The following EYS variants were observed in gnomAD, a reference collection of about 807,000 sequenced individuals.
EYS encodes protein eyes shut homolog.
EYS carries 250 observed loss-of-function variants against 282.1 expected under a neutral mutation model. The ratio of observed to expected loss-of-function variants is 0.89; its 90% CI spans 0.80 to 0.98. The LOEUF (loss-of-function observed/expected upper bound fraction) is 0.98. Ranked by LOEUF, EYS falls within the 50% of genes least tolerant of loss-of-function variation. The probability of loss-of-function intolerance (pLI) is 0.00; values close to 1 mark genes in which losing one functional copy is unlikely to be tolerated. For synonymous variants in EYS, 1,355 were observed against 1,282.9 expected (o/e 1.06, Z -1.20); for missense variants, 4,016 against 3,709.0 (o/e 1.08, Z -2.15).
intron 12 of EYS, among the ~76,000 whole-genome samples, chr6:65,293,170 C>A (rs912209865): frequency 6.6e-6 from 1 of 150,526 alleles, no homozygotes; most frequent in Non-Finnish European, 1.5e-5. Flanking sequence ...TCAAGAAGGA[C>A]GATAAACTTG....
intron 7 of EYS, among the ~76,000 whole-genome samples, chr6:65,394,170 A>G (rs1264516934): frequency 6.6e-6 from 1 of 151,932 alleles, no homozygotes; most frequent in East Asian, 1.9e-4. Flanking sequence ...GATCCTCCTG[A>G]TATGTTGAGA....
At chr6:65,457,511 T>G (rs1181891101) in intron 5 of EYS, among the ~76,000 whole-genome samples, 1 of 152,138 alleles carries the variant, frequency 6.6e-6, no homozygotes. Context: ...GGAATTGATG[T>G]TGGAATTGCA....
At chr6:64,746,452 A>G (rs184010398) in intron 22 of EYS, among the ~76,000 whole-genome samples, 1 of 152,196 alleles carries the variant, frequency 6.6e-6, no homozygotes, top group East Asian at 1.9e-4. Flanking sequence ...GCCAATACAT[A>G]TATGTTCATT....
Position 65,273,175 on chromosome 6 carries a change from A to G in EYS, c.2023+22688T>C, listed in dbSNP as rs748159406. ...ATAATTTAAAATATCTGAATGGTTT[A>G]TTTCTGGAATTTTCCATTTAATATT... On this transcript the variant is annotated intron_variant, in intron 12 of 42. Transcript: ENST00000503581. Among the ~76,000 whole-genome samples, 40 of 152,156 alleles carry G rather than the reference A, an allele frequency of 2.6e-4. 1 individual carries two copies. The highest frequency in any genetic ancestry group is 5.1e-4 in the Non-Finnish European group (35 of 68,036).
intron 35 of EYS, among the ~76,000 whole-genome samples, chr6:63,865,310 C>G (rs1208629867): frequency 6.6e-6 from 1 of 152,142 alleles, no homozygotes; most frequent in African/African-American, 2.4e-5. Context: ...ATATAAGTGA[C>G]AGAGAAATAT....
chr6:63,933,367 C>T (rs566026191), intron 35 of EYS, among the ~76,000 whole-genome samples: 9 of 152,190 alleles, frequency 5.9e-5, no homozygotes, highest in African/African-American at 9.6e-5. Flanking sequence ...CCATCACACG[C>T]GGCTAATTTT....
At chr6:64,299,482 G>A (rs1769154983) in intron 30 of EYS, among the ~76,000 whole-genome samples, 1 of 152,322 alleles carries the variant, frequency 6.6e-6, no homozygotes, top group Admixed American at 6.5e-5. Flanking sequence ...TGCCTCGTGT[G>A]AGGAACGCTG....
At chr6:64,406,623 AC>A (rs1216998028) in intron 28 of EYS, among the ~76,000 whole-genome samples, 2 of 152,214 alleles carry the variant, frequency 1.3e-5, no homozygotes, top group Non-Finnish European at 2.9e-5. Flanking sequence ...CAAGAAAAAA[AC>A]AACTCCATCA....
chr6:63,938,770 C>T (rs1285376815), intron 35 of EYS, among the ~76,000 whole-genome samples: 1 of 152,132 alleles, frequency 6.6e-6, no homozygotes. Flanking sequence ...TGGCAAATGT[C>T]ACAAGTAGAT....
chr6:63,826,991 G>A (rs1771486832), intron 36 of EYS, among the ~76,000 whole-genome samples: 1 of 151,876 alleles, frequency 6.6e-6, no homozygotes, highest in African/African-American at 2.4e-5. Flanking sequence ...CAGAACAGCA[G>A]AATGGATAAG....
At chr6:64,919,000 T>C (rs1768251332) in intron 15 of EYS, among the ~76,000 whole-genome samples, 1 of 152,164 alleles carries the variant, frequency 6.6e-6, no homozygotes. Flanking sequence ...ATGAAACATA[T>C]AGAATCCTCT....
At chr6:64,943,204 T>A (rs991802543) in intron 15 of EYS, among the ~76,000 whole-genome samples, 1 of 151,888 alleles carries the variant, frequency 6.6e-6, no homozygotes, top group African/African-American at 2.4e-5. Flanking sequence ...GAAACATATC[T>A]CAAAATAATA....
At chr6:65,298,640 A>C (rs1768730637) in intron 11 of EYS, among the ~76,000 whole-genome samples, 1 of 151,760 alleles carries the variant, frequency 6.6e-6, no homozygotes, top group Admixed American at 6.6e-5. Flanking sequence ...TTTATTTTTG[A>C]CACAACTTAG....
intron 12 of EYS, among the ~76,000 whole-genome samples, chr6:65,148,942 CT>C (rs1764547335): frequency 6.6e-6 from 1 of 152,060 alleles, no homozygotes; most frequent in South Asian, 2.1e-4. Context: ...GGAGATGAAG[CT>C]GCTGGGATGC....
At chr6:64,675,279 A>C (rs996440289) in intron 22 of EYS, among the ~76,000 whole-genome samples, 2 of 152,072 alleles carry the variant, frequency 1.3e-5, no homozygotes, top group African/African-American at 4.8e-5. Flanking sequence ...GTTCACTATA[A>C]TGTTTCCTAA....
chr6:63,950,205 AAC>A, intron 35 of EYS, among the ~76,000 whole-genome samples: 1 of 151,950 alleles, frequency 6.6e-6, no homozygotes, highest in Non-Finnish European at 1.5e-5. Context: ...AAAAAAAAAA[AAC>A]AAAAAAAACA....
chr6:65,491,453 C>A, intron 4 of EYS: 1 of 320,012 alleles, frequency 3.1e-6, no homozygotes. Context: ...ATGTTTTTTT[C>A]CCCAGTTTAA....
At chr6:65,696,401 T>C (rs1461426675) in intron 1 of EYS, among the ~76,000 whole-genome samples, 1 of 152,076 alleles carries the variant, frequency 6.6e-6, no homozygotes, top group Non-Finnish European at 1.5e-5. Flanking sequence ...TAGACAACTT[T>C]TGAAGTTAGT....
intron 12 of EYS, among the ~76,000 whole-genome samples, chr6:65,164,452 C>T (rs1764924969): frequency 6.6e-6 from 1 of 151,150 alleles, no homozygotes; most frequent in South Asian, 2.1e-4. Context: ...TGTACACTTT[C>T]CTTTTCTTAC....
Sources: gnomAD v4.1 joint callset for allele counts (sites outside exome capture counted in the v4.1 genomes callset) on GRCh38, gnomAD v4.1.1 for gene constraint, MANE v1.5 for transcripts, NCBI Gene and HGNC (gene_info 2026-07-23, HGNC 2026-07-21) for gene names.